Variants in NT5C3A observed in about 807,000 individuals in gnomAD.
The protein encoded by NT5C3A is 5'-nucleotidase, cytosolic IIIA.
NT5C3A carries 23 observed loss-of-function variants against 40.0 expected under a neutral mutation model. That is an observed-to-expected ratio of 0.58 (90% CI 0.41 to 0.81). NT5C3A has a LOEUF of 0.81. Among genes scored for constraint, NT5C3A ranks in the 40% least tolerant of loss-of-function variants. The pLI is 0.00. For synonymous variants in NT5C3A, 130 were observed against 141.4 expected, an observed-to-expected ratio of 0.92 and a Z score of 0.57; for missense variants, 328 against 403.0, an observed-to-expected ratio of 0.81 and a Z score of 1.59.
chr7:33,033,877 C>CATGTAT (rs1554291563), intron 1 of NT5C3A, among the ~76,000 whole-genome samples: 2 of 125,970 alleles, frequency 1.6e-5, no homozygotes, highest in Non-Finnish European at 3.3e-5. Context: ...ATATAAAAGA[C>CATGTAT]ATATATATAT....
At chr7:33,033,695 T>C (rs1786413220) in intron 1 of NT5C3A, among the ~76,000 whole-genome samples, 1 of 151,920 alleles carries the variant, frequency 6.6e-6, no homozygotes, top group African/African-American at 2.4e-5. Context: ...GATTTAGATA[T>C]GCTGAGATTA....
intron 2 of NT5C3A, among the ~76,000 whole-genome samples, chr7:33,026,343 C>T (rs1176792989): frequency 1.2e-4 from 4 of 33,796 alleles, no homozygotes; most frequent in African/African-American, 5.7e-4. Context: ...AGCGAGACTC[C>T]ATCTCAAAAG....
At position 33,021,334 on chromosome 7, in the gene NT5C3A, A is replaced by G. The variant is rs3750117; in HGVS notation, c.378T>C (p.Tyr126=). 1,123,661 of 1,609,592 alleles carry G rather than the reference A, an allele frequency of 0.7. 395,204 individuals carry two copies. The highest frequency in any genetic ancestry group is 0.77 in the African/African-American group (57,820 of 74,842). Residue 126 remains tyrosine, a synonymous_variant, in exon 5 of 9, where the codon TAT becomes TAC. Transcript: ENST00000610140. ...RKKLLQLKEK[Y]YAIEVDPVLT... is the part of the protein sequence containing the mutation. ...GAACAGGATCAACTTCAATAGCGTA[A>G]TATTTTTCCTTTAGTTGCAATAACT... is the stretch of plus-strand genomic sequence containing the variant.
intron 1 of NT5C3A, among the ~76,000 whole-genome samples, chr7:33,051,098 T>C (rs1277299211): frequency 6.6e-6 from 1 of 152,236 alleles, no homozygotes; most frequent in Non-Finnish European, 1.5e-5. Flanking sequence ...AGATTCTTTA[T>C]ATATCTCTCT....
chr7:33,014,742 C>T lies in NT5C3A; in HGVS notation c.984G>A (p.Gln328=), dbSNP rs1284673491. 1.9e-6 allele frequency: 3 copies of T among 1,612,200 alleles called. No homozygotes were observed. The highest frequency in any genetic ancestry group is 2.5e-6 in the Non-Finnish European group (3 of 1,179,672). Residue 328 remains glutamine (Q), a synonymous_variant, in exon 9 of 9, where the codon CAG becomes CAA. Coordinates refer to ENST00000610140, the MANE Select transcript of NT5C3A (RefSeq NM_001002010.5). ...ESLEVANSIL[Q]KIL ...GGAGAATGCTTGTTTATAGAATCTTCTGTAAAATAGAGTTGGCTACTTCTA... is the reference window on the plus strand; with the variant it reads ...GGAGAATGCTTGTTTATAGAATCTTTTGTAAAATAGAGTTGGCTACTTCTA...
At chr7:33,055,072 C>A (rs1264914005) in intron 1 of NT5C3A, among the ~76,000 whole-genome samples, 1 of 152,156 alleles carries the variant, frequency 6.6e-6, no homozygotes, top group Non-Finnish European at 1.5e-5. Context: ...CACCTGTAAT[C>A]CCAGCATTTT....
chr7:33,018,103 G>C (rs1031725556), intron 6 of NT5C3A, among the ~76,000 whole-genome samples: 1 of 152,222 alleles, frequency 6.6e-6, no homozygotes, highest in Non-Finnish European at 1.5e-5. Flanking sequence ...TTAACACTGA[G>C]AAGGATGGAG....
chr7:33,030,826 G>A (rs1039578593), intron 1 of NT5C3A, among the ~76,000 whole-genome samples: 8 of 152,074 alleles, frequency 5.3e-5, no homozygotes, highest in East Asian at 1.9e-4. Context: ...CTGGCCAGGC[G>A]TGGTGGCTCA....
chr7:33,051,638 C>G (rs1295713763), intron 1 of NT5C3A, among the ~76,000 whole-genome samples: 2 of 152,176 alleles, frequency 1.3e-5, no homozygotes, highest in South Asian at 4.1e-4. Flanking sequence ...CTTCCTCTTT[C>G]TACTGCTCCC....
chr7:33,056,036 G>C (rs996999849), intron 1 of NT5C3A, among the ~76,000 whole-genome samples: 2 of 152,180 alleles, frequency 1.3e-5, no homozygotes, highest in Non-Finnish European at 2.9e-5. Context: ...CTTGAGCTCA[G>C]GAGTTTGAGG....
At chr7:33,034,384 A>G (rs1267006528) in intron 1 of NT5C3A, among the ~76,000 whole-genome samples, 2 of 152,164 alleles carry the variant, frequency 1.3e-5, no homozygotes, top group Non-Finnish European at 2.9e-5. Context: ...TTATACAAAG[A>G]GGATTAACAT....
intron 8 of NT5C3A, 132 bp from the exon 9 acceptor site, chr7:33,014,963 TGAA>T: frequency 1.2e-6 from 1 of 811,196 alleles, no homozygotes; most frequent in Non-Finnish European, 2.0e-6. Context: ...ATCTTTGAAA[TGAA>T]GAAATATTTT....
chr7:33,047,994 G>A (rs1417134428), intron 1 of NT5C3A, among the ~76,000 whole-genome samples: 1 of 100,026 alleles, frequency 1.0e-5, no homozygotes, highest in Non-Finnish European at 2.0e-5. Context: ...TTTTATATGT[G>A]TATGTGTGTG....
intron 1 of NT5C3A, chr7:33,036,068 G>A: frequency 9.3e-7 from 1 of 1,071,730 alleles, no homozygotes; most frequent in Non-Finnish European, 1.4e-6. Context: ...GGTTCTTCCT[G>A]TTATGCCAAT....
chr7:33,058,003 T>A (rs919724350), intron 1 of NT5C3A, among the ~76,000 whole-genome samples: 1 of 152,260 alleles, frequency 6.6e-6, no homozygotes, highest in African/African-American at 2.4e-5. Flanking sequence ...TTAGAATAAC[T>A]GAATAAGATT....
At chr7:33,053,764 AG>A (rs1374036504) in intron 1 of NT5C3A, among the ~76,000 whole-genome samples, 2 of 152,164 alleles carry the variant, frequency 1.3e-5, no homozygotes, top group African/African-American at 2.4e-5. Flanking sequence ...TCCAGTTCAA[AG>A]GGGACTCCAT....
chr7:33,023,981 G>T (rs1785774883), intron 3 of NT5C3A, 58 bp downstream of exon 3: 3 of 998,966 alleles, frequency 3.0e-6, no homozygotes, highest in East Asian at 4.8e-5. Context: ...AATATAAAGA[G>T]GATCTTAAAA....
At chr7:33,018,465 A>T (rs900487900) in intron 6 of NT5C3A, among the ~76,000 whole-genome samples, 2 of 152,234 alleles carry the variant, frequency 1.3e-5, no homozygotes, top group African/African-American at 4.8e-5. Context: ...TTTTAGAAGT[A>T]ATCACCTTAA....
At chr7:33,047,710 C>T (rs554673188) in intron 1 of NT5C3A, among the ~76,000 whole-genome samples, 7 of 152,046 alleles carry the variant, frequency 4.6e-5, no homozygotes, top group Admixed American at 6.5e-5. Flanking sequence ...CTTACTAAAA[C>T]GGGGGTCTTT....
Sources: allele counts gnomAD v4.1 joint callset (sites outside exome capture counted in the v4.1 genomes callset), GRCh38; gene constraint gnomAD v4.1.1; transcripts MANE v1.5; gene names NCBI Gene and HGNC (gene_info 2026-07-23, HGNC 2026-07-21).